The following RSF1 variants were observed in gnomAD, a reference collection of about 807,000 sequenced individuals.
The protein encoded by RSF1 is remodeling and spacing factor 1.
A neutral mutation model predicts 145.2 loss-of-function variants in RSF1; 13 were observed. The ratio of observed to expected loss-of-function variants is 0.09; its 90% CI spans 0.06 to 0.14. RSF1 has a LOEUF of 0.14. RSF1 is among the 10% of genes least tolerant of loss of function. The pLI, the probability that RSF1 is intolerant of heterozygous loss-of-function variation, is 1.00. For synonymous variants in RSF1, 577 were observed against 592.6 expected, an observed-to-expected ratio of 0.97 and a Z score of 0.38; for missense variants, 1,517 against 1,718.2, an observed-to-expected ratio of 0.88 and a Z score of 2.07.
chr11:77,770,794 A>G (rs1187729039), intron 1 of RSF1, among the ~76,000 whole-genome samples: 1 of 152,266 alleles, frequency 6.6e-6, no homozygotes, highest in Non-Finnish European at 1.5e-5. Context: ...GAAGAACAGT[A>G]TTAAGAGAAA....
rs552259573 is a variant in RSF1 at position 77,706,567 on chromosome 11, T to C, written c.734-4072A>G. On this transcript the variant is annotated intron_variant, in intron 5 of 15. Transcript: ENST00000308488. ...TTCAGCCACATCGGAAAATTCAGTT[T>C]CCCAAAGCTGCCATCACTTTTTTGT... Among the ~76,000 whole-genome samples the C allele has an allele frequency of 6.6e-5, 10 of 152,280 alleles. No individual in the cohort carries two copies. In the South Asian group the frequency reaches 2.1e-3, roughly 32 times the overall value.
the RSF1 span, among the ~76,000 whole-genome samples, chr11:77,834,267 G>A: frequency 6.6e-6 from 1 of 152,074 alleles, no homozygotes; most frequent in Non-Finnish European, 1.5e-5. Flanking sequence ...TCCCAACAAT[G>A]AACTAAACAC....
At chr11:77,743,316 A>AC (rs1234885629) in intron 3 of RSF1, among the ~76,000 whole-genome samples, 2 of 152,184 alleles carry the variant, frequency 1.3e-5, no homozygotes, top group African/African-American at 4.8e-5. Context: ...TCTGTAGATC[A>AC]CTTTGGGTAG....
chr11:77,676,509 G>A (rs1313203933), intron 13 of RSF1, among the ~76,000 whole-genome samples: 1 of 152,064 alleles, frequency 6.6e-6, no homozygotes, highest in Non-Finnish European at 1.5e-5. Context: ...GTGGCACAGA[G>A]GTACAGAGAA....
At chr11:77,837,484 T>A in the RSF1 span, among the ~76,000 whole-genome samples, 1 of 145,866 alleles carries the variant, frequency 6.9e-6, no homozygotes, top group African/African-American at 2.6e-5. Flanking sequence ...AGATGGAGTC[T>A]CGCTCTGTCA....
chr11:77,865,860 G>A, the RSF1 span, among the ~76,000 whole-genome samples: 1 of 152,264 alleles, frequency 6.6e-6, no homozygotes, highest in East Asian at 1.9e-4. Flanking sequence ...ATTCTGAGAA[G>A]GGGACCATCG....
At chr11:77,756,844 T>C (rs1214985312) in intron 2 of RSF1, among the ~76,000 whole-genome samples, 1 of 152,178 alleles carries the variant, frequency 6.6e-6, no homozygotes, top group East Asian at 1.9e-4. Context: ...CTTTAAATAT[T>C]GGAAGGGCAA....
In RSF1 at chr11:77,662,672, A is replaced by C. The variant is rs1959257397; in HGVS notation, c.*4245T>G. ...GGTATAAAAATGACACAAAAAAATC[A>C]GTTAACTTGCCACTTCCAAGGTAGG... On this transcript the variant is annotated 3_prime_UTR_variant, in exon 16 of 16. Transcript: ENST00000308488. 1 of 152,188 alleles carries C rather than the reference A, an allele frequency of 6.6e-6. No individual in the cohort carries two copies. The highest frequency in any genetic ancestry group is 2.4e-5 in the African/African-American group (1 of 41,464). The allele number at this position is 152,188 out of a possible 1,614,324, so 9.4% of individuals were successfully genotyped here.
intron 2 of RSF1, chr11:77,762,129 A>G (rs558117890): frequency 2.1e-5 from 3 of 139,898 alleles, no homozygotes; most frequent in Non-Finnish European, 4.5e-5. Flanking sequence ...TCAGCCTCCC[A>G]AAGTGCTAGG....
intron 4 of RSF1, among the ~76,000 whole-genome samples, chr11:77,740,194 G>A (rs1002886586): frequency 1.3e-5 from 2 of 152,028 alleles, no homozygotes; most frequent in East Asian, 1.9e-4. Flanking sequence ...TGACCAACAC[G>A]GAGAAACCTC....
intron 15 of RSF1, among the ~76,000 whole-genome samples, chr11:77,669,664 T>C (rs1201979742): frequency 2.0e-5 from 3 of 152,234 alleles, no homozygotes; most frequent in Non-Finnish European, 4.4e-5. Flanking sequence ...TCAGCACACA[T>C]ATAATCAGTG....
chr11:77,702,191 C>A lies in RSF1; in HGVS notation c.1038G>T (p.Gln346His), dbSNP rs2135855056. ...TKSSMEKPVA[Q>H]EPERIEFGGN... ...CACCAAATTCGATCCTTTCAGGCTCCTGTGCCACTGGCTTCTCCATGCTAC... is the reference window on the plus strand; with the variant it reads ...CACCAAATTCGATCCTTTCAGGCTCATGTGCCACTGGCTTCTCCATGCTAC... Residue 346 changes from glutamine to histidine, a missense_variant, in exon 6 of 16, where the codon CAG becomes CAT. This residue lies in a region of RSF1 where 207 missense variants were observed against 191.4 expected (regional missense o/e 1.08). Transcript: ENST00000308488. 1 of 1,614,066 alleles carries A rather than the reference C, an allele frequency of 6.2e-7. No homozygotes were observed. The highest frequency in any genetic ancestry group is 1.1e-5 in the South Asian group (1 of 91,050).
At chr11:77,735,670 C>T (rs967611075) in intron 4 of RSF1, among the ~76,000 whole-genome samples, 1 of 152,084 alleles carries the variant, frequency 6.6e-6, no homozygotes, top group African/African-American at 2.4e-5. Flanking sequence ...CTAAATGCAA[C>T]CTATTAAATG....
intron 9 of RSF1, among the ~76,000 whole-genome samples, chr11:77,688,872 C>T (rs916869849): frequency 6.6e-6 from 1 of 152,180 alleles, no homozygotes; most frequent in African/African-American, 2.4e-5. Flanking sequence ...CCATTACGAG[C>T]CAGAGTGCTC....
At chr11:77,854,807 G>T in the RSF1 span, among the ~76,000 whole-genome samples, 1 of 152,334 alleles carries the variant, frequency 6.6e-6, no homozygotes, top group South Asian at 2.1e-4. Context: ...GGGACTCTGT[G>T]TAGGGGCTCC....
chr11:77,675,299 A>G, intron 13 of RSF1, 43 bp from the exon 14 acceptor site: 1 of 1,506,224 alleles, frequency 6.6e-7, no homozygotes, highest in Non-Finnish European at 9.0e-7. Flanking sequence ...TATTTAGAAG[A>G]GTGAACCCAT....
chr11:77,705,054 T>C (rs1164264673), intron 5 of RSF1, among the ~76,000 whole-genome samples: 1 of 152,140 alleles, frequency 6.6e-6, no homozygotes, highest in Admixed American at 6.6e-5. Context: ...CCTGGCCGGC[T>C]TGGTTCTTTT....
Position 77,702,027 on chromosome 11 carries a change from C to G in RSF1, c.1202G>C (p.Gly401Ala). Residue 401 changes from glycine to alanine, a missense_variant, in exon 6 of 16, where the codon GGA (glycine) becomes GCA (alanine). Gly to Ala is a moderately conservative substitution (Grantham distance 60, BLOSUM62 0). Around this residue, in one of 12 missense-constraint regions of RSF1, gnomAD observed 579 missense variants for 553.5 expected, o/e 1.05. Coordinates refer to ENST00000308488, the MANE Select transcript of RSF1 (RefSeq NM_016578.4). The part of the protein sequence containing the change: ...LSDDFDSPVK[G>A]PLCKSVTPTK... Reference sequence around the variant, plus strand: ...TGGAGTAACTGATTTACACAAAGGTCCCTTGACTGGACTGTCAAAATCATC... The same window carrying G: ...TGGAGTAACTGATTTACACAAAGGTGCCTTGACTGGACTGTCAAAATCATC... 1 of 1,613,890 alleles carries G rather than the reference C, an allele frequency of 6.2e-7. No individual in the cohort carries two copies. Among genetic ancestry groups the G allele is most frequent in the Non-Finnish European group, 8.5e-7 (1 of 1,179,918 alleles).
chr11:77,678,702 C>T (rs142684998), intron 11 of RSF1, among the ~76,000 whole-genome samples: 120 of 152,274 alleles, frequency 7.9e-4, no homozygotes, highest in African/African-American at 2.7e-3. Flanking sequence ...CCCTTTGTTT[C>T]TTCCACCATA....
Sources: allele counts gnomAD v4.1 joint callset (sites outside exome capture counted in the v4.1 genomes callset), GRCh38; gene constraint gnomAD v4.1.1; regional missense constraint gnomAD v4.1.1; transcripts MANE v1.5; gene names NCBI Gene and HGNC (gene_info 2026-07-23, HGNC 2026-07-21).